ZC3H12B: variants seen among roughly 807,000 people sequenced by gnomAD.
The protein encoded by ZC3H12B is zinc finger CCCH-type containing 12B, also known as probable ribonuclease ZC3H12B.
In ZC3H12B, 7 loss-of-function variants were observed where a neutral mutation model predicts 43.9. The ratio of observed to expected loss-of-function variants is 0.16; its 90% confidence interval spans 0.09 to 0.30. ZC3H12B has a LOEUF of 0.30. Among genes scored for constraint, ZC3H12B ranks in the 10% least tolerant of loss-of-function variants. The pLI is 1.00. For synonymous variants in ZC3H12B, 222 were observed against 241.7 expected (o/e 0.92, Z 0.76); for missense variants, 475 against 670.2 (o/e 0.71, Z 3.22).
the ZC3H12B span, among the ~76,000 whole-genome samples, chrX:65,081,294 A>T: frequency 1.8e-5 from 2 of 111,462 alleles, no homozygotes; most frequent in Non-Finnish European, 3.8e-5. Context: ...CAATAATAAC[A>T]TCAAATGTAA....
the ZC3H12B span, among the ~76,000 whole-genome samples, chrX:65,193,017 T>G: frequency 9.1e-6 from 1 of 110,382 alleles, no homozygotes; most frequent in Non-Finnish European, 1.9e-5. Context: ...CGTGATCCAC[T>G]CGCCTCAGCC....
the ZC3H12B span, among the ~76,000 whole-genome samples, chrX:65,248,480 T>G: frequency 8.9e-6 from 1 of 112,087 alleles, no homozygotes; most frequent in African/African-American, 3.2e-5. Flanking sequence ...ATAGAAACCC[T>G]AGCATATTAA....
At chrX:65,076,408 G>A in the ZC3H12B span, among the ~76,000 whole-genome samples, 1 of 110,643 alleles carries the variant, frequency 9.0e-6, no homozygotes, top group Non-Finnish European at 1.9e-5. Flanking sequence ...CAAAGCACTG[G>A]GATTACAGGA....
At chrX:65,141,882 A>G in the ZC3H12B span, among the ~76,000 whole-genome samples, 1 of 111,851 alleles carries the variant, frequency 8.9e-6, no homozygotes, top group Non-Finnish European at 1.9e-5. Context: ...TCCACTGTAT[A>G]TATACACCAC....
the ZC3H12B span, among the ~76,000 whole-genome samples, chrX:65,325,593 G>T: frequency 9.0e-6 from 1 of 110,537 alleles, no homozygotes; most frequent in African/African-American, 3.3e-5. Flanking sequence ...ATTTATGAAA[G>T]AAATTGAAAA....
intron 3 of ZC3H12B, among the ~76,000 whole-genome samples, chrX:65,438,017 C>A (rs191325562): frequency 8.9e-6 from 1 of 112,172 alleles, no homozygotes; most frequent in South Asian, 3.7e-4. Flanking sequence ...ATTATATGTT[C>A]TTGACACCTT....
chrX:65,452,602 A>T (rs886571679), intron 3 of ZC3H12B, among the ~76,000 whole-genome samples: 16 of 111,821 alleles, frequency 1.4e-4, no homozygotes, highest in African/African-American at 5.2e-4. Flanking sequence ...ACACTTTGGG[A>T]GGCCGAGGTG....
the ZC3H12B span, among the ~76,000 whole-genome samples, chrX:65,350,711 C>A: frequency 1.8e-5 from 2 of 111,488 alleles, no homozygotes; most frequent in Non-Finnish European, 3.8e-5. Context: ...AGTGAACTCC[C>A]GTTCACATTT....
chrX:65,172,248 C>T, the ZC3H12B span, among the ~76,000 whole-genome samples: 1 of 112,384 alleles, frequency 8.9e-6, no homozygotes, highest in Admixed American at 9.4e-5. Context: ...TAAGAAGTGT[C>T]TGTTCATATC....
At chrX:65,239,081 T>C in the ZC3H12B span, among the ~76,000 whole-genome samples, 2 of 112,157 alleles carry the variant, frequency 1.8e-5, no homozygotes, top group Admixed American at 1.9e-4. Context: ...TAGAGAGTTC[T>C]GTAGATGGTT....
the ZC3H12B span, among the ~76,000 whole-genome samples, chrX:65,345,373 A>C: frequency 8.9e-6 from 1 of 112,392 alleles, no homozygotes; most frequent in African/African-American, 3.2e-5. Context: ...GCCATAAAAA[A>C]GAATGAGATC....
chrX:65,183,120 C>G, the ZC3H12B span, among the ~76,000 whole-genome samples: 1 of 111,646 alleles, frequency 9.0e-6, no homozygotes, highest in Admixed American at 9.6e-5. Flanking sequence ...GACACATGCA[C>G]ACATATGTTC....
the ZC3H12B span, among the ~76,000 whole-genome samples, chrX:65,167,428 C>A: frequency 8.9e-6 from 1 of 111,757 alleles, no homozygotes; most frequent in Non-Finnish European, 1.9e-5. Context: ...CGGTACCATG[C>A]TGTTTTGGTT....
chrX:65,222,125 A>G, the ZC3H12B span, among the ~76,000 whole-genome samples: 6 of 111,940 alleles, frequency 5.4e-5, no homozygotes, highest in South Asian at 2.2e-3. Flanking sequence ...TAGATGCAGA[A>G]AAAGCATTTT....
chrX:65,213,908 TAC>T, the ZC3H12B span, among the ~76,000 whole-genome samples: 5 of 102,144 alleles, frequency 4.9e-5, no homozygotes, highest in African/African-American at 2.1e-4. Context: ...TACATATATA[TAC>T]ACACACACAT....
chrX:65,168,902 T>C, the ZC3H12B span, among the ~76,000 whole-genome samples: 42 of 112,046 alleles, frequency 3.7e-4, no homozygotes, highest in African/African-American at 1.3e-3. Context: ...TTATCATTTT[T>C]TATTGCATCT....
chrX:65,316,795 A>C, the ZC3H12B span, among the ~76,000 whole-genome samples: 1 of 111,731 alleles, frequency 9.0e-6, no homozygotes, highest in African/African-American at 3.3e-5. Context: ...CACATATATC[A>C]ATAATAACTT....
At chrX:65,474,667 G>A (rs1370607440) in intron 3 of ZC3H12B, among the ~76,000 whole-genome samples, 1 of 110,316 alleles carries the variant, frequency 9.1e-6, no homozygotes, top group East Asian at 2.8e-4. Flanking sequence ...CTGGAGTGCA[G>A]TGGCACAATC....
chrX:65,128,289 A>T, the ZC3H12B span, among the ~76,000 whole-genome samples: 26 of 112,088 alleles, frequency 2.3e-4, no homozygotes, highest in Non-Finnish European at 3.8e-4. Context: ...AGTTCAATAT[A>T]TTTTATTTCT....
Sources: gnomAD v4.1 joint callset for allele counts (sites outside exome capture counted in the v4.1 genomes callset) on GRCh38, gnomAD v4.1.1 for gene constraint, MANE v1.5 for transcripts, NCBI Gene and HGNC (gene_info 2026-07-23, HGNC 2026-07-21) for gene names.